Variants in CCDC88A observed in about 807,000 individuals in gnomAD.
The protein encoded by CCDC88A is girdin.
CCDC88A carries 54 observed loss-of-function variants against 234.3 expected under a neutral mutation model. The ratio of observed to expected loss-of-function variants is 0.23; its 90% CI spans 0.19 to 0.29. The LOEUF (loss-of-function observed/expected upper bound fraction) is 0.29. Among genes scored for constraint, CCDC88A ranks in the 10% least tolerant of loss-of-function variants. The pLI, the probability that CCDC88A is intolerant of heterozygous loss-of-function variation, is 1.00. For missense variants in CCDC88A, 1,832 were observed against 2,123.4 expected, an observed-to-expected ratio of 0.86 and a Z score of 2.70; for synonymous variants, 753 against 737.8, an observed-to-expected ratio of 1.02 and a Z score of -0.33.
In CCDC88A at chr2:55,364,051, A is replaced by C. The variant is rs750722232; in HGVS notation, c.403-18T>G. On this transcript the variant is annotated intron_variant, in intron 5 of 32. Coordinates refer to ENST00000436346, the MANE Select transcript of CCDC88A (RefSeq NM_001365480.1). ...TTCTGACACTAAAATAAATGAATAA[A>C]ATAGTTATTCATACTTTATAGGGTA... is the stretch of plus-strand genomic sequence containing the variant. The C allele has an allele frequency of 1.7e-6, 2 of 1,201,774 alleles. No individual in the cohort carries two copies. The highest frequency in any genetic ancestry group is 1.2e-6 in the Non-Finnish European group (1 of 824,354). 74.4% of individuals were successfully genotyped at this position (1,201,774 alleles called of 1,614,324 possible).
At chr2:55,330,621 A>C (rs1684808263) in intron 16 of CCDC88A, among the ~76,000 whole-genome samples, 1 of 152,166 alleles carries the variant, frequency 6.6e-6, no homozygotes, top group Non-Finnish European at 1.5e-5. Context: ...CATAAAGACT[A>C]ACTTCCTGGC....
At chr2:55,355,785 T>C (rs1487994996) in intron 7 of CCDC88A, 34 bp from the exon 8 acceptor site, 2 of 1,559,018 alleles carry the variant, frequency 1.3e-6, no homozygotes, top group Admixed American at 1.7e-5. Context: ...TTCAGTATTC[T>C]ACATATTAGC....
At chr2:55,305,880 T>TA (rs942708078) in intron 25 of CCDC88A, among the ~76,000 whole-genome samples, 3 of 149,986 alleles carry the variant, frequency 2.0e-5, no homozygotes, top group Admixed American at 6.6e-5. Flanking sequence ...AAACTTCCTT[T>TA]AAAAAAAAAA....
intron 6 of CCDC88A, among the ~76,000 whole-genome samples, chr2:55,363,239 G>C (rs2104788455): frequency 6.6e-6 from 1 of 151,724 alleles, no homozygotes; most frequent in East Asian, 1.9e-4. Context: ...CTAAATAAGA[G>C]AAAAGATGTC....
intron 2 of CCDC88A, among the ~76,000 whole-genome samples, chr2:55,414,005 G>A (rs7579037): frequency 0.81 from 123,440 of 151,570 alleles, 51,157 homozygotes; most frequent in Admixed American, 0.9. Context: ...AACAAAAAAG[G>A]GCAGATGACT....
intron 9 of CCDC88A, among the ~76,000 whole-genome samples, chr2:55,346,544 C>T (rs1203089385): frequency 6.6e-6 from 1 of 151,994 alleles, no homozygotes; most frequent in African/African-American, 2.4e-5. Flanking sequence ...CTCAGCTTCC[C>T]AAGTAGCTGG....
In CCDC88A at chr2:55,419,504, T is replaced by C. The variant is rs1383019186; in HGVS notation, c.-425A>G. Reference sequence around the variant, plus strand: ...TGAAATACGTTAAACAGAGACCACGTTAAGGATACCGAGGCGCCACCAGAC... The same window carrying C: ...TGAAATACGTTAAACAGAGACCACGCTAAGGATACCGAGGCGCCACCAGAC... On this transcript the variant is annotated 5_prime_UTR_variant, in exon 1 of 33. Transcript: ENST00000436346. 2 of 166,708 alleles carry C rather than the reference T, an allele frequency of 1.2e-5. No homozygotes were observed. The highest frequency in any genetic ancestry group is 2.6e-5 in the Non-Finnish European group (2 of 77,076). 10.3% of individuals were successfully genotyped at this position (166,708 alleles called of 1,614,324 possible).
intron 9 of CCDC88A, among the ~76,000 whole-genome samples, chr2:55,347,257 T>C (rs1669258821): frequency 6.6e-6 from 1 of 152,150 alleles, no homozygotes; most frequent in South Asian, 2.1e-4. Flanking sequence ...TGTAATCCTT[T>C]AGGATAGTAG....
chr2:55,389,945 GC>G (rs1676335273), intron 2 of CCDC88A, among the ~76,000 whole-genome samples: 1 of 146,870 alleles, frequency 6.8e-6, no homozygotes, highest in Admixed American at 7.3e-5. Context: ...GGAGGCTGAG[GC>G]AGGAGAATCA....
intron 5 of CCDC88A, among the ~76,000 whole-genome samples, chr2:55,369,596 C>T (rs953845345): frequency 2.6e-5 from 4 of 151,864 alleles, no homozygotes; most frequent in African/African-American, 7.3e-5. Context: ...GGACTACAAG[C>T]GCAAGCCACT....
chr2:55,384,544 T>A lies in CCDC88A; in HGVS notation c.273+4234A>T, dbSNP rs1419910465. ...TTATATATATATACATATATACGTA[T>A]ATATGTGTATATATACACATATATA... is the stretch of plus-strand genomic sequence containing the variant. On this transcript the variant is annotated intron_variant, in intron 3 of 32. Coordinates refer to ENST00000436346, the MANE Select transcript of CCDC88A (RefSeq NM_001365480.1). Among the ~76,000 whole-genome samples the A allele has an allele frequency of 9.2e-5, 7 of 75,956 alleles. 1 individual carries two copies. The highest frequency in any genetic ancestry group is 1.5e-4 in the Non-Finnish European group (6 of 40,356). The allele number at this position is 75,956 out of a possible 152,430, so 49.8% of individuals were successfully genotyped here. A position where few individuals can be genotyped will look rare whatever the true frequency, so the allele number is the denominator to read the frequency against.
At chr2:55,385,977 A>G (rs1459627320) in intron 3 of CCDC88A, among the ~76,000 whole-genome samples, 1 of 151,372 alleles carries the variant, frequency 6.6e-6, no homozygotes, top group African/African-American at 2.4e-5. Context: ...TAATCCCAAC[A>G]CTTTGGGAGG....
intron 8 of CCDC88A, among the ~76,000 whole-genome samples, chr2:55,352,275 C>T (rs1359128294): frequency 1.3e-5 from 2 of 151,872 alleles, no homozygotes; most frequent in Admixed American, 6.6e-5. Flanking sequence ...ACTAAAAATA[C>T]AAAAATTAGC....
chr2:55,342,424 G>C (rs1668620793), intron 12 of CCDC88A, among the ~76,000 whole-genome samples: 1 of 152,012 alleles, frequency 6.6e-6, no homozygotes, highest in Admixed American at 6.6e-5. Flanking sequence ...CACTATTTAA[G>C]GGCCTCACAA....
intron 3 of CCDC88A, among the ~76,000 whole-genome samples, chr2:55,382,644 C>A (rs12617887): frequency 0.3 from 46,202 of 151,974 alleles, 7,434 homozygotes; most frequent in East Asian, 0.54. Context: ...TACATAACAG[C>A]TATAATTTAC....
intron 11 of CCDC88A, chr2:55,344,051 C>T: frequency 2.7e-6 from 1 of 372,720 alleles, no homozygotes; most frequent in Non-Finnish European, 4.7e-6. Context: ...AGTGATACAA[C>T]AAAAGAATTA....
At chr2:55,366,763 A>C (rs191792261) in intron 5 of CCDC88A, among the ~76,000 whole-genome samples, 11 of 152,304 alleles carry the variant, frequency 7.2e-5, no homozygotes, top group African/African-American at 1.4e-4. Flanking sequence ...TAAAGAAAGA[A>C]GACAGGTTTA....
chr2:55,388,062 C>A lies in CCDC88A; in HGVS notation c.273+716G>T, dbSNP rs115357518. Among the ~76,000 whole-genome samples, 460 of 152,114 alleles carry A rather than the reference C, an allele frequency of 3.0e-3. 3 individuals are homozygous for A. Among genetic ancestry groups the A allele is most frequent in the African/African-American group, 9.3e-3 (388 of 41,518 alleles). ...AAACAAGGTTGCTCTCACTCTGCGC[C>A]CAAACAATTGGAGAATACATACTTT... On this transcript the variant is annotated intron_variant, in intron 3 of 32. Transcript: ENST00000436346.
At chr2:55,410,985 C>G (rs1462960651) in intron 2 of CCDC88A, among the ~76,000 whole-genome samples, 1 of 151,842 alleles carries the variant, frequency 6.6e-6, no homozygotes, top group Non-Finnish European at 1.5e-5. Context: ...AGTAATTTTC[C>G]AGTTTCAATA....
Sources: gnomAD v4.1 joint callset for allele counts (sites outside exome capture counted in the v4.1 genomes callset) on GRCh38, gnomAD v4.1.1 for gene constraint, MANE v1.5 for transcripts, NCBI Gene and HGNC (gene_info 2026-07-23, HGNC 2026-07-21) for gene names.